TLE1: variants seen among roughly 807,000 people sequenced by gnomAD.
TLE1 encodes the protein transducin-like enhancer protein 1.
TLE1 carries 21 observed loss-of-function variants against 89.8 expected under a neutral mutation model. The ratio of observed to expected loss-of-function variants is 0.23; its 90% CI spans 0.17 to 0.34. TLE1 has a LOEUF of 0.34. TLE1 is among the 10% of genes least tolerant of loss of function. The pLI is 1.00. For missense variants in TLE1, 795 were observed against 1,031.2 expected, an observed-to-expected ratio of 0.77 and a Z score of 3.14; for synonymous variants, 447 against 407.6, an observed-to-expected ratio of 1.10 and a Z score of -1.16.
In TLE1 at chr9:81,587,845, G is replaced by C. The variant is rs1373883098; in HGVS notation, c.1830-17C>G. The C allele has an allele frequency of 6.2e-7, 1 of 1,606,912 alleles. No individual in the cohort carries two copies. The highest frequency in any genetic ancestry group is 2.2e-5 in the East Asian group (1 of 44,778). On this transcript the variant is annotated splice_polypyrimidine_tract_variant and intron_variant, in intron 16 of 19. Coordinates refer to ENST00000376499, the MANE Select transcript of TLE1 (RefSeq NM_005077.5). ...TGGAATTGCCTGATAAAACAAACCA[G>C]ATTGAATAATGATTTCCTGCCAGAG...
chr9:81,595,635 A>G (rs910918344), intron 14 of TLE1, among the ~76,000 whole-genome samples: 9 of 151,966 alleles, frequency 5.9e-5, no homozygotes, highest in Admixed American at 1.3e-4. Flanking sequence ...TGGCTAACAG[A>G]GTGAAACCCC....
intron 4 of TLE1, among the ~76,000 whole-genome samples, chr9:81,678,204 C>A (rs1564075407): frequency 6.6e-6 from 1 of 152,052 alleles, no homozygotes; most frequent in Admixed American, 6.6e-5. Context: ...AAATAGAATA[C>A]AATTTATTGT....
At chr9:81,606,792 T>C (rs1314645333) in intron 14 of TLE1, among the ~76,000 whole-genome samples, 5 of 138,818 alleles carry the variant, frequency 3.6e-5, no homozygotes, top group East Asian at 2.2e-4. Flanking sequence ...AAAAACCATA[T>C]ATATATATAT....
At chr9:81,657,598 A>G in intron 4 of TLE1, among the ~76,000 whole-genome samples, 1 of 152,334 alleles carries the variant, frequency 6.6e-6, no homozygotes, top group East Asian at 1.9e-4. Flanking sequence ...ATAATATTAA[A>G]GTTATCAAAA....
At chr9:81,616,478 G>C (rs540687173) in intron 10 of TLE1, among the ~76,000 whole-genome samples, 168 bp downstream of exon 10, 4 of 152,302 alleles carry the variant, frequency 2.6e-5, no homozygotes, top group African/African-American at 9.6e-5. Flanking sequence ...CTTTATGTCA[G>C]TTAGACCATT....
At chr9:81,631,267 T>C (rs1490803274) in intron 8 of TLE1, among the ~76,000 whole-genome samples, 1 of 152,240 alleles carries the variant, frequency 6.6e-6, no homozygotes, top group Non-Finnish European at 1.5e-5. Flanking sequence ...AATTAAGTAC[T>C]TGCATATATT....
Position 81,685,724 on chromosome 9 carries a change from TAAAGAGA to T in TLE1, c.190-11_190-5del. ...ATCCATATGACATTTCATAATACTG[TAAAGAGA>T]AAAAAGAATCAAGCATTTCATTAAC... is the stretch of plus-strand genomic sequence containing the variant. On this transcript the variant is annotated splice_polypyrimidine_tract_variant and splice_region_variant and intron_variant, in intron 3 of 19. Coordinates refer to ENST00000376499, the MANE Select transcript of TLE1 (RefSeq NM_005077.5). 6.2e-7 allele frequency: 1 copy of T among 1,613,234 alleles called. No individual in the cohort carries two copies. The highest frequency in any genetic ancestry group is 8.5e-7 in the Non-Finnish European group (1 of 1,179,482).
chr9:81,620,367 A>T, intron 9 of TLE1, 74 bp downstream of exon 9: 1 of 1,134,346 alleles, frequency 8.8e-7, no homozygotes, highest in South Asian at 1.4e-5. Flanking sequence ...TATCACTAAG[A>T]TCTTAGAATA....
intron 2 of TLE1, among the ~76,000 whole-genome samples, 166 bp downstream of exon 2, chr9:81,687,168 C>T (rs530761312): frequency 3.6e-4 from 55 of 152,238 alleles, no homozygotes; most frequent in African/African-American, 1.3e-3. Flanking sequence ...AGAGGCGGCC[C>T]GGGAAGAACC....
intron 4 of TLE1, among the ~76,000 whole-genome samples, chr9:81,672,630 T>C (rs927177409): frequency 2.6e-5 from 4 of 152,108 alleles, no homozygotes; most frequent in Admixed American, 6.6e-5. Context: ...GAAAACTACA[T>C]GCACACACTC....
At position 81,660,975 on chromosome 9, in the gene TLE1, ACAC is replaced by A. The variant is rs1371694186; in HGVS notation, c.235-6942_235-6940del. ...CACACACACACACACACACACACAC[ACAC>A]ATTTAGCCTGGCGTGGTGGCACGTG... On this transcript the variant is annotated intron_variant, in intron 4 of 19. Transcript: ENST00000376499. Among the ~76,000 whole-genome samples, 97 of 109,306 alleles carry A rather than the reference ACAC, an allele frequency of 8.9e-4. 2 individuals carry two copies. The highest frequency in any genetic ancestry group is 2.7e-3 in the South Asian group (9 of 3,396). The allele number at this position is 109,306 out of a possible 152,430, so 71.7% of individuals were successfully genotyped here.
intron 4 of TLE1, among the ~76,000 whole-genome samples, chr9:81,674,880 T>C: frequency 6.6e-6 from 1 of 152,018 alleles, no homozygotes; most frequent in Non-Finnish European, 1.5e-5. Context: ...GGACGCCAGG[T>C]GTGGTGGCTC....
At chr9:81,631,978 T>C (rs1273870562) in intron 8 of TLE1, among the ~76,000 whole-genome samples, 1 of 152,030 alleles carries the variant, frequency 6.6e-6, no homozygotes, top group Admixed American at 6.6e-5. Flanking sequence ...GGCACAGGCC[T>C]GTAATCCCAG....
chr9:81,675,698 G>GTTTTTTTTTTTTTTTTTTTTTT lies in TLE1; in HGVS notation c.234+9977_234+9978insAAAAAAAAAAAAAAAAAAAAAA, dbSNP rs35060460. On this transcript the variant is annotated intron_variant, in intron 4 of 19. Coordinates refer to ENST00000376499, the MANE Select transcript of TLE1 (RefSeq NM_005077.5). ...AATTTTAGCATAAGGACTCACACTA[G>GTTTTTTTTTTTTTTTTTTTTTT]TTTTTTTTTGTTTTTTTTTTTGAGA... is the stretch of plus-strand genomic sequence containing the variant. 2.4e-3 allele frequency among the ~76,000 whole-genome samples: 310 copies of GTTTTTTTTTTTTTTTTTTTTTT among 129,572 alleles called. 47 individuals carry two copies. The highest frequency in any genetic ancestry group is 0.012 in the Middle Eastern group (3 of 252). 85.0% of individuals were successfully genotyped at this position (129,572 alleles called of 152,430 possible). A position where few individuals can be genotyped will look rare whatever the true frequency, so the allele number is the denominator to read the frequency against.
chr9:81,658,922 T>A (rs913628686), intron 4 of TLE1, among the ~76,000 whole-genome samples: 34 of 152,138 alleles, frequency 2.2e-4, no homozygotes, highest in Middle Eastern at 3.2e-3. Flanking sequence ...TTATTTATTT[T>A]TTTTTTAGAT....
chr9:81,616,041 G>C lies in TLE1; in HGVS notation c.859C>G (p.Pro287Ala), dbSNP rs749664479. ...CTTGCCGAGGAGGCCGTGGAAGCTG[G>C]ACTGCTAGAAGCATCCTTCTTTAGC... ...RLLKKDASSSPASTASSASST... is the reference protein window; with the variant it reads ...RLLKKDASSSAASTASSASST... Residue 287 changes from proline (P) to alanine (A), a missense_variant, in exon 11 of 20, where the codon CCA becomes GCA. This residue lies in a region of TLE1 where 468 missense variants were observed against 509.1 expected (regional missense o/e 0.92). Coordinates refer to ENST00000376499, the MANE Select transcript of TLE1 (RefSeq NM_005077.5). 1 of 1,613,976 alleles carries C rather than the reference G, an allele frequency of 6.2e-7. No individual in the cohort carries two copies. The highest frequency in any genetic ancestry group is 8.5e-7 in the Non-Finnish European group (1 of 1,180,036).
At chr9:81,658,915 T>C (rs1035613064) in intron 4 of TLE1, among the ~76,000 whole-genome samples, 1 of 152,022 alleles carries the variant, frequency 6.6e-6, no homozygotes, top group Admixed American at 6.6e-5. Flanking sequence ...TATCTATTTA[T>C]TTATTTTTTT....
At chr9:81,603,612 A>T (rs746282181) in intron 14 of TLE1, among the ~76,000 whole-genome samples, 1 of 152,154 alleles carries the variant, frequency 6.6e-6, no homozygotes, top group Non-Finnish European at 1.5e-5. Flanking sequence ...TTCCCCCAAT[A>T]TATCTATCTC....
chr9:81,651,841 G>A (rs756799253), intron 6 of TLE1, among the ~76,000 whole-genome samples: 4 of 152,024 alleles, frequency 2.6e-5, no homozygotes, highest in Non-Finnish European at 2.9e-5. Flanking sequence ...ATTTAGGGAC[G>A]GGCAAGGGGG....
Sources: allele counts gnomAD v4.1 joint callset (sites outside exome capture counted in the v4.1 genomes callset), GRCh38; gene constraint gnomAD v4.1.1; regional missense constraint gnomAD v4.1.1; transcripts MANE v1.5; gene names NCBI Gene and HGNC (gene_info 2026-07-23, HGNC 2026-07-21).